LIPI: variants seen among roughly 807,000 people sequenced by gnomAD.
LIPI encodes lipase I.
Under a neutral mutation model 50.6 loss-of-function variants are expected in LIPI, and 59 were observed. The ratio of observed to expected loss-of-function variants is 1.16; its 90% CI spans 0.94 to 1.45. The LOEUF is 1.45. Ranked by LOEUF, LIPI falls within the 40% of genes most tolerant of loss-of-function variation. The probability of loss-of-function intolerance (pLI) is 0.00; values close to 1 mark genes in which losing one functional copy is unlikely to be tolerated. For missense variants in LIPI, 586 were observed against 536.3 expected (o/e 1.09, Z -0.92); for synonymous variants, 203 against 178.2 (o/e 1.14, Z -1.11).
chr21:14,196,313 C>CA (rs1366103767), intron 1 of LIPI, among the ~76,000 whole-genome samples: 1 of 151,704 alleles, frequency 6.6e-6, no homozygotes, highest in Non-Finnish European at 1.5e-5. Flanking sequence ...ACTCCAGAAA[C>CA]AAAAAAGTAC....
chr21:14,184,243 G>T (rs571891015), intron 3 of LIPI, among the ~76,000 whole-genome samples: 6 of 151,910 alleles, frequency 3.9e-5, no homozygotes, highest in Non-Finnish European at 8.8e-5. Context: ...ACCAAACACC[G>T]CATGTTCTCA....
intron 7 of LIPI, among the ~76,000 whole-genome samples, chr21:14,158,344 A>C (rs1369406957): frequency 1.3e-5 from 2 of 151,624 alleles, no homozygotes; most frequent in Non-Finnish European, 3.0e-5. Flanking sequence ...GCTTATAAAT[A>C]ACCCATGGTC....
rs186645809 is a variant in LIPI, at chr21:14,201,515, G to T, written c.46+9285C>A. Among the ~76,000 whole-genome samples the T allele has an allele frequency of 3.6e-3, 544 of 152,186 alleles. 4 individuals carry two copies. Among genetic ancestry groups the T allele is most frequent in the African/African-American group, 0.012 (511 of 41,544 alleles). ...ATCAAGTGGGCTTCATCCCTGGCAT[G>T]CAAGGCTGGTTCAACATACGCAAAT... On this transcript the variant is annotated intron_variant, in intron 1 of 9. Transcript: ENST00000681601.
At chr21:14,172,745 C>T (rs1382756021) in intron 4 of LIPI, among the ~76,000 whole-genome samples, 4 of 151,854 alleles carry the variant, frequency 2.6e-5, no homozygotes, top group African/African-American at 7.2e-5. Context: ...AGGGATAGCA[C>T]TAGGAGATAT....
intron 6 of LIPI, among the ~76,000 whole-genome samples, chr21:14,164,702 T>G (rs1206666974): frequency 6.6e-6 from 1 of 152,206 alleles, no homozygotes; most frequent in Non-Finnish European, 1.5e-5. Flanking sequence ...AATTCCCTAT[T>G]GGCAGGTTTT....
At chr21:14,181,713 C>T (rs1429159267) in intron 4 of LIPI, 45 bp downstream of exon 4, 1 of 1,204,698 alleles carries the variant, frequency 8.3e-7, no homozygotes, top group African/African-American at 1.5e-5. Flanking sequence ...TCTACATTTT[C>T]CTTTTCATTT....
Position 14,182,534 on chromosome 21 carries a change from A to C in LIPI, c.542-675T>G, listed in dbSNP as rs1047390687. The stretch of plus-strand genomic sequence containing the variant: ...TATACAATGAAGAAACAATCATCTT[A>C]AAAAGATATTTGAAAGTAAAATATA... On this transcript the variant is annotated intron_variant, in intron 3 of 9. Transcript: ENST00000681601. Among the ~76,000 whole-genome samples, 5 of 152,184 alleles carry C rather than the reference A, an allele frequency of 3.3e-5. 1 individual carries two copies. The highest frequency in any genetic ancestry group is 7.4e-5 in the Non-Finnish European group (5 of 68,004).
intron 9 of LIPI, among the ~76,000 whole-genome samples, chr21:14,127,326 C>T (rs6516621): frequency 0.65 from 99,160 of 151,960 alleles, 32,733 homozygotes; most frequent in East Asian, 0.94. Context: ...TCAGCAATTA[C>T]CTAGGTAATT....
intron 7 of LIPI, among the ~76,000 whole-genome samples, chr21:14,156,963 GGAAACTGGTAGAAGAA>G (rs1414027824): frequency 1.6e-4 from 24 of 151,976 alleles, no homozygotes; most frequent in African/African-American, 5.8e-4. Flanking sequence ...ATATATTATT[GGAAACTGGTAGAAGAA>G]GAATCCTCAC....
chr21:14,155,042 A>G (rs548531763), intron 7 of LIPI, among the ~76,000 whole-genome samples: 32 of 152,164 alleles, frequency 2.1e-4, no homozygotes, highest in Non-Finnish European at 3.5e-4. Flanking sequence ...AATGATTCAA[A>G]GTTAACATGT....
At chr21:14,189,690 T>A (rs2019597993) in intron 1 of LIPI, among the ~76,000 whole-genome samples, 1 of 152,122 alleles carries the variant, frequency 6.6e-6, no homozygotes, top group African/African-American at 2.4e-5. Context: ...GTAATGGGTG[T>A]GAGCGAAAAT....
chr21:14,171,847 A>G (rs1028747196), intron 4 of LIPI, among the ~76,000 whole-genome samples: 2 of 150,572 alleles, frequency 1.3e-5, no homozygotes, highest in South Asian at 2.1e-4. Flanking sequence ...AATGGCAACA[A>G]AAGCCAAAAT....
chr21:14,165,180 C>T (rs1366832046), intron 6 of LIPI, 43 bp downstream of exon 6: 1 of 1,400,760 alleles, frequency 7.1e-7, no homozygotes, highest in Non-Finnish European at 1.0e-6. Context: ...TTATGTTATT[C>T]ATATTAAATA....
chr21:14,193,569 T>G (rs2019748011), intron 1 of LIPI, among the ~76,000 whole-genome samples: 1 of 152,036 alleles, frequency 6.6e-6, no homozygotes, highest in Admixed American at 6.6e-5. Context: ...CAATGCAAAA[T>G]GTAACTAAAA....
Position 14,185,963 on chromosome 21 carries a change from G to C in LIPI, c.539C>G (p.Thr180Arg). 6.8e-7 allele frequency: 1 copy of C among 1,462,100 alleles called. No homozygotes were observed. Among genetic ancestry groups the C allele is most frequent in the African/African-American group, 1.4e-5 (1 of 72,248 alleles). 90.6% of individuals were successfully genotyped at this position (1,462,100 alleles called of 1,614,324 possible). A position where few individuals can be genotyped will look rare whatever the true frequency, so the allele number is the denominator to read the frequency against. ...KIFHGQLGRI[T>R]GLDPAGPRFS... is the part of the protein sequence containing the mutation. ...TAATTTTATAAAAATAATTTTACCTGTTATTCTTCCAAGTTGACCATGAAA... is the reference window on the plus strand; with the variant it reads ...TAATTTTATAAAAATAATTTTACCTCTTATTCTTCCAAGTTGACCATGAAA... The change falls in exon 3 of 10, where the codon ACA becomes AGA. Residue 180 changes from threonine (T) to arginine (R), a missense_variant and splice_region_variant. By Grantham distance (71) the Thr-to-Arg change is moderately conservative. Coordinates refer to ENST00000681601, the MANE Select transcript of LIPI (RefSeq NM_001302998.2).
intron 9 of LIPI, among the ~76,000 whole-genome samples, chr21:14,132,295 T>C (rs2123003013): frequency 6.6e-6 from 1 of 152,284 alleles, no homozygotes; most frequent in East Asian, 1.9e-4. Flanking sequence ...ACTGAAAGAA[T>C]TTTTAAATTA....
At chr21:14,145,203 T>C (rs1161890850) in intron 8 of LIPI, among the ~76,000 whole-genome samples, 1 of 152,112 alleles carries the variant, frequency 6.6e-6, no homozygotes, top group Non-Finnish European at 1.5e-5. Flanking sequence ...CCTAGAGCAA[T>C]AACTTATAAA....
At chr21:14,142,420 T>G (rs1353877671) in intron 9 of LIPI, among the ~76,000 whole-genome samples, 1 of 150,244 alleles carries the variant, frequency 6.7e-6, no homozygotes, top group Non-Finnish European at 1.5e-5. Context: ...GGCTTAATTA[T>G]AGATTATAAT....
intron 8 of LIPI, among the ~76,000 whole-genome samples, chr21:14,148,190 A>G (rs979707459): frequency 1.3e-5 from 2 of 152,204 alleles, no homozygotes; most frequent in African/African-American, 4.8e-5. Flanking sequence ...GGGCATGTAC[A>G]AGAAGGAGGA....
Sources: gnomAD v4.1 joint callset for allele counts (sites outside exome capture counted in the v4.1 genomes callset) on GRCh38, gnomAD v4.1.1 for gene constraint, MANE v1.5 for transcripts, NCBI Gene and HGNC (gene_info 2026-07-23, HGNC 2026-07-21) for gene names.